CERS3: variants seen among roughly 807,000 people sequenced by gnomAD.
CERS3 encodes the protein LAG1 homolog, ceramide synthase 3.
CERS3 carries 33 observed loss-of-function variants against 50.3 expected under a neutral mutation model. The observed-to-expected ratio is 0.66, with a 90% confidence interval of 0.50 to 0.88. CERS3 has a LOEUF of 0.88. Among genes scored for constraint, CERS3 ranks in the 40% least tolerant of loss-of-function variants. CERS3 has a pLI of 0.00. For synonymous variants in CERS3, 176 were observed against 155.2 expected (o/e 1.13, Z -0.99); for missense variants, 470 against 460.3 (o/e 1.02, Z -0.19).
chr15:100,493,728 C>T (rs1002006435), intron 3 of CERS3, among the ~76,000 whole-genome samples: 2 of 152,150 alleles, frequency 1.3e-5, no homozygotes, highest in Non-Finnish European at 2.9e-5. Context: ...CTGTTCCTCA[C>T]ACTGCTGACT....
At chr15:100,505,845 A>C (rs1503475) in intron 2 of CERS3, among the ~76,000 whole-genome samples, 140,159 of 152,208 alleles carry the variant, frequency 0.92, 64,637 homozygotes, top group Middle Eastern at 0.97. Context: ...CCATCTCTAC[A>C]AAAAATACAA....
rs996813150 is a variant in CERS3, at chr15:100,418,386, GAAT to G, written c.1000-15524_1000-15522del. ...CGAGAAGGGAAGTTTAGAGAAAAAAGAATAAAAAGAAATGAGCAAAGCCTCCAA... is the reference window on the plus strand; with the variant it reads ...CGAGAAGGGAAGTTTAGAGAAAAAAGAAAAAGAAATGAGCAAAGCCTCCAA... On this transcript the variant is annotated intron_variant, in intron 11 of 11. Transcript: ENST00000679737. Among the ~76,000 whole-genome samples the G allele has an allele frequency of 4.3e-3, 644 of 150,948 alleles. 5 individuals are homozygous for G. Among genetic ancestry groups the G allele is most frequent in the African/African-American group, 0.014 (587 of 41,162 alleles).
intron 1 of CERS3, among the ~76,000 whole-genome samples, chr15:100,538,495 C>A (rs954155186): frequency 6.6e-5 from 10 of 152,242 alleles, no homozygotes; most frequent in Non-Finnish European, 1.2e-4. Context: ...GACTTCTGTG[C>A]ACCTGCAGCC....
At chr15:100,469,511 A>G in intron 9 of CERS3, 27 bp from the exon 10 acceptor site, 1 of 1,463,764 alleles carries the variant, frequency 6.8e-7, no homozygotes, top group East Asian at 2.3e-5. Flanking sequence ...AACTGCAGAT[A>G]AAGTGACAAT....
intron 11 of CERS3, among the ~76,000 whole-genome samples, chr15:100,404,498 T>G (rs149312234): frequency 6.6e-6 from 1 of 152,230 alleles, no homozygotes. Flanking sequence ...TGGAGAGACA[T>G]ACTATGTTCA....
chr15:100,504,037 C>G (rs2036091351), intron 2 of CERS3, among the ~76,000 whole-genome samples: 2 of 152,050 alleles, frequency 1.3e-5, no homozygotes, highest in Admixed American at 6.5e-5. Context: ...AGATTTCTGA[C>G]TTCAGATGAG....
intron 11 of CERS3, among the ~76,000 whole-genome samples, chr15:100,408,975 G>A (rs76173543): frequency 5.3e-5 from 8 of 152,126 alleles, no homozygotes; most frequent in Non-Finnish European, 7.3e-5. Flanking sequence ...AGGTACACAG[G>A]ATGAAAAGCC....
intron 11 of CERS3, among the ~76,000 whole-genome samples, chr15:100,409,028 C>G (rs1417298611): frequency 6.6e-6 from 1 of 152,154 alleles, no homozygotes; most frequent in Non-Finnish European, 1.5e-5. Context: ...GCTCTACAGA[C>G]CCTTGCTGGA....
intron 3 of CERS3, among the ~76,000 whole-genome samples, chr15:100,498,941 T>C (rs2035914670): frequency 6.6e-6 from 1 of 152,208 alleles, no homozygotes; most frequent in Non-Finnish European, 1.5e-5. Context: ...AGATCTCAGA[T>C]GAAAAAGTCT....
At chr15:100,488,838 G>A (rs748424851) in intron 4 of CERS3, among the ~76,000 whole-genome samples, 55 of 150,634 alleles carry the variant, frequency 3.7e-4, no homozygotes, top group African/African-American at 1.1e-3. Context: ...CTGTGGTGGC[G>A]CAATCTTGGC....
chr15:100,413,950 A>G (rs2031696247), intron 11 of CERS3, among the ~76,000 whole-genome samples: 1 of 152,118 alleles, frequency 6.6e-6, no homozygotes, highest in African/African-American at 2.4e-5. Context: ...TAATAGTAAT[A>G]AAACACCTGC....
At chr15:100,430,255 T>C (rs1364580689) in intron 11 of CERS3, among the ~76,000 whole-genome samples, 1 of 150,476 alleles carries the variant, frequency 6.6e-6, no homozygotes. Context: ...GAGCTTGCAG[T>C]GAGCCGAGAT....
intron 11 of CERS3, among the ~76,000 whole-genome samples, chr15:100,448,764 C>T (rs1391427647): frequency 6.6e-6 from 1 of 152,216 alleles, no homozygotes; most frequent in East Asian, 1.9e-4. Flanking sequence ...TTGACAGTGG[C>T]CCTGATATCC....
chr15:100,496,907 T>C (rs532587586), intron 3 of CERS3, among the ~76,000 whole-genome samples: 122 of 152,326 alleles, frequency 8.0e-4, no homozygotes, highest in African/African-American at 2.8e-3. Flanking sequence ...TAAATGTATG[T>C]CAGTCCAACT....
At chr15:100,530,045 C>T (rs8027038), upstream of CERS3, among the ~76,000 whole-genome samples, 26,675 of 152,106 alleles carry the variant, frequency 0.18, 2,803 homozygotes, top group African/African-American at 0.29. Flanking sequence ...CAGGGCTTCC[C>T]GGTCTGCCTT....
chr15:100,497,288 G>C lies in CERS3; in HGVS notation c.173+4389C>G, dbSNP rs2035845220. ...AGAGAGACAGAGAGACACACACAGA[G>C]AGAGAGAGCATATATGTATGTGTGT... On this transcript the variant is annotated intron_variant, in intron 3 of 11. Coordinates refer to ENST00000679737, the MANE Select transcript of CERS3 (RefSeq NM_001378789.1). Among the ~76,000 whole-genome samples the C allele has an allele frequency of 2.0e-5, 3 of 151,074 alleles. No homozygotes were observed. In the South Asian group the frequency reaches 6.3e-4, roughly 32 times the overall value.
At chr15:100,441,033 GA>G (rs1167237683) in intron 11 of CERS3, among the ~76,000 whole-genome samples, 1 of 152,172 alleles carries the variant, frequency 6.6e-6, no homozygotes, top group African/African-American at 2.4e-5. Context: ...ACCACGCAGG[GA>G]TGCCTGCCTT....
chr15:100,500,171 T>C (rs1051207241), intron 3 of CERS3: 7 of 152,220 alleles, frequency 4.6e-5, no homozygotes, highest in African/African-American at 1.7e-4. Context: ...CTTCCTTCTA[T>C]GGCATTAAAA....
At chr15:100,454,614 T>C (rs1229890595) in intron 11 of CERS3, among the ~76,000 whole-genome samples, 1 of 151,990 alleles carries the variant, frequency 6.6e-6, no homozygotes. Flanking sequence ...GAAGAATACA[T>C]AAGGGAAGTA....
Sources: allele counts gnomAD v4.1 joint callset (sites outside exome capture counted in the v4.1 genomes callset), GRCh38; gene constraint gnomAD v4.1.1; transcripts MANE v1.5; gene names NCBI Gene and HGNC (gene_info 2026-07-23, HGNC 2026-07-21).